The following FMN2 variants were observed in gnomAD, a reference collection of about 807,000 sequenced individuals.
The protein encoded by FMN2 is formin 2.
In FMN2, 51 loss-of-function variants were observed where a neutral mutation model predicts 142.3. That is an observed-to-expected ratio of 0.36 (90% CI 0.29 to 0.45). The LOEUF is 0.45. Ranked by LOEUF, FMN2 falls within the 20% of genes least tolerant of loss-of-function variation. The probability of loss-of-function intolerance (pLI) is 1.00; values close to 1 mark genes in which losing one functional copy is unlikely to be tolerated. For missense variants in FMN2, 1,936 were observed against 2,122.8 expected (o/e 0.91, Z 1.73); for synonymous variants, 882 against 869.8 (o/e 1.01, Z -0.25).
intron 6 of FMN2, among the ~76,000 whole-genome samples, chr1:240,228,934 GAT>G (rs1667442503): frequency 6.6e-6 from 1 of 151,990 alleles, no homozygotes; most frequent in African/African-American, 2.4e-5. Flanking sequence ...AGAGACTAAA[GAT>G]ATATGGACTG....
In FMN2 at chr1:240,473,556, C is replaced by T. The variant is rs1248447511; in HGVS notation, c.5143-572C>T. Among the ~76,000 whole-genome samples, 1 of 151,926 alleles carries T rather than the reference C, an allele frequency of 6.6e-6. No individual in the cohort carries two copies. Among genetic ancestry groups the T allele is most frequent in the Non-Finnish European group, 1.5e-5 (1 of 67,980 alleles). ...CCAAATTGGGATATGATTAAATAGC[C>T]CTGTTTTTTTTTAAAAAGTTAGGAA... On this transcript the variant is annotated intron_variant, in intron 17 of 17. Coordinates refer to ENST00000319653, the MANE Select transcript of FMN2 (RefSeq NM_020066.5). The surrounding 1 kb of genome is among the most constrained non-coding windows in gnomAD (Gnocchi z 4.3).
At chr1:240,366,117 A>T in intron 14 of FMN2, among the ~76,000 whole-genome samples, 1 of 152,158 alleles carries the variant, frequency 6.6e-6, no homozygotes. Context: ...TATATTATAG[A>T]TCTATATGCA....
At chr1:240,310,466 C>T (rs1386335852) in intron 8 of FMN2, among the ~76,000 whole-genome samples, 1 of 152,190 alleles carries the variant, frequency 6.6e-6, no homozygotes, top group Non-Finnish European at 1.5e-5. Context: ...AATCTAAACA[C>T]ACCCTAATTT....
chr1:240,322,768 G>A (rs1671017996), intron 8 of FMN2, among the ~76,000 whole-genome samples: 1 of 152,114 alleles, frequency 6.6e-6, no homozygotes, highest in Admixed American at 6.5e-5. Context: ...CCATGAGAGA[G>A]GGCTTGTGGC....
chr1:240,163,797 A>G (rs1422162004), intron 2 of FMN2, among the ~76,000 whole-genome samples: 1 of 151,928 alleles, frequency 6.6e-6, no homozygotes, highest in African/African-American at 2.4e-5. Flanking sequence ...GGATTTATCA[A>G]TTACTCTTTA....
At chr1:240,161,484 C>T (rs1664278929) in intron 2 of FMN2, among the ~76,000 whole-genome samples, 1 of 150,284 alleles carries the variant, frequency 6.7e-6, no homozygotes, top group African/African-American at 2.5e-5. Flanking sequence ...AGTGAGGCGA[C>T]ATTGTGCCAC....
chr1:240,144,876 C>T (rs1663371564), intron 2 of FMN2: 1 of 1,431,304 alleles, frequency 7.0e-7, no homozygotes, highest in Non-Finnish European at 9.8e-7. Context: ...CACTCCTTAG[C>T]CACTTCTCCT....
At chr1:240,344,619 G>A (rs1220600873) in intron 13 of FMN2, among the ~76,000 whole-genome samples, 4 of 152,136 alleles carry the variant, frequency 2.6e-5, no homozygotes, top group Admixed American at 2.6e-4. Flanking sequence ...GAGAATTAAT[G>A]AGAAGAAAAT....
At chr1:240,416,124 G>A (rs1009156833) in intron 15 of FMN2, among the ~76,000 whole-genome samples, 1 of 152,022 alleles carries the variant, frequency 6.6e-6, no homozygotes, top group African/African-American at 2.4e-5. Context: ...CCTCCCATCA[G>A]TATCTCATCT....
intron 16 of FMN2, among the ~76,000 whole-genome samples, chr1:240,468,737 G>T (rs1016939233): frequency 6.6e-6 from 1 of 152,164 alleles, no homozygotes; most frequent in African/African-American, 2.4e-5. Flanking sequence ...AGAGAAAGTG[G>T]ATGGAACACG....
At position 240,381,704 on chromosome 1, in the gene FMN2, A is replaced by G. The variant is rs564464422; in HGVS notation, c.4859-10807A>G. On this transcript the variant is annotated intron_variant, in intron 14 of 17. Transcript: ENST00000319653. ...CTGGGTCTCCCAAAGTGTTGGGATTACTGGCATGAGCCACCCTGCCTGGCC... is the reference window on the plus strand; with the variant it reads ...CTGGGTCTCCCAAAGTGTTGGGATTGCTGGCATGAGCCACCCTGCCTGGCC... Among the ~76,000 whole-genome samples, 19 of 152,362 alleles carry G rather than the reference A, an allele frequency of 1.2e-4. No homozygotes were observed. The East Asian group carries it at 3.7e-3, about 29-fold the overall frequency.
intron 2 of FMN2, chr1:240,142,758 C>A: frequency 6.2e-7 from 1 of 1,604,864 alleles, no homozygotes; most frequent in Admixed American, 1.7e-5. Context: ...CAATTCTGCC[C>A]GTTCCCCGTG....
chr1:240,266,610 C>A (rs1668815215), intron 7 of FMN2, among the ~76,000 whole-genome samples: 1 of 152,068 alleles, frequency 6.6e-6, no homozygotes, highest in African/African-American at 2.4e-5. Context: ...TCCAGGCCAC[C>A]ATTGATGCAC....
intron 2 of FMN2, among the ~76,000 whole-genome samples, chr1:240,174,833 A>C (rs12092459): frequency 0.081 from 12,307 of 152,218 alleles, 562 homozygotes; most frequent in African/African-American, 0.12. Flanking sequence ...ACTGTTGCAA[A>C]ATACACAGAA....
At chr1:240,203,753 G>A (rs536461876) in intron 4 of FMN2, among the ~76,000 whole-genome samples, 72 of 152,214 alleles carry the variant, frequency 4.7e-4, no homozygotes, top group African/African-American at 1.7e-3. Context: ...AAACCACCAT[G>A]GCCCACGTTG....
At chr1:240,277,430 G>A (rs1413661541) in intron 7 of FMN2, among the ~76,000 whole-genome samples, 2 of 133,082 alleles carry the variant, frequency 1.5e-5, no homozygotes, top group Non-Finnish European at 3.1e-5. Context: ...GAACCTTTCT[G>A]CCTTTTCTTT....
At chr1:240,244,469 C>T (rs1416567826) in intron 6 of FMN2, among the ~76,000 whole-genome samples, 1 of 152,050 alleles carries the variant, frequency 6.6e-6, no homozygotes. Context: ...TTTAAACTTC[C>T]GAATTAGCAA....
Position 240,236,935 on chromosome 1 carries a change from A to G in FMN2, c.4066-21010A>G, listed in dbSNP as rs113621008. Among the ~76,000 whole-genome samples the G allele has an allele frequency of 2.7e-3, 410 of 152,260 alleles. 2 individuals are homozygous for G. Among genetic ancestry groups the G allele is most frequent in the African/African-American group, 9.4e-3 (389 of 41,560 alleles). On this transcript the variant is annotated intron_variant, in intron 6 of 17. Coordinates refer to ENST00000319653, the MANE Select transcript of FMN2 (RefSeq NM_020066.5). ...CAGGGATTTTGTTTTCCTTTTTGCTACTTTGGGTTTAACTTTTTATGGAAG... is the reference window on the plus strand; with the variant it reads ...CAGGGATTTTGTTTTCCTTTTTGCTGCTTTGGGTTTAACTTTTTATGGAAG...
intron 2 of FMN2, among the ~76,000 whole-genome samples, chr1:240,171,928 C>T (rs1664719329): frequency 6.6e-6 from 1 of 152,108 alleles, no homozygotes; most frequent in African/African-American, 2.4e-5. Context: ...CAATGTCATT[C>T]CGCAAAAGCC....
Sources: gnomAD v4.1 joint callset for allele counts (sites outside exome capture counted in the v4.1 genomes callset) on GRCh38, gnomAD v4.1.1 for gene constraint, Gnocchi (gnomAD v3.1) non-coding constraint, MANE v1.5 for transcripts, NCBI Gene and HGNC (gene_info 2026-07-23, HGNC 2026-07-21) for gene names.